The following SNAP91 variants were observed in gnomAD, a reference collection of about 807,000 sequenced individuals.
The protein encoded by SNAP91 is synaptosome associated protein 91.
Under a neutral mutation model 100.3 loss-of-function variants are expected in SNAP91, and 27 were observed. The observed-to-expected ratio is 0.27, with a 90% confidence interval of 0.20 to 0.37. The LOEUF (loss-of-function observed/expected upper bound fraction) is 0.37, where lower values mean the gene tolerates loss of function less well. SNAP91 is among the 10% of genes least tolerant of loss of function. The probability of loss-of-function intolerance (pLI) is 1.00; values close to 1 mark genes in which losing one functional copy is unlikely to be tolerated. For synonymous variants in SNAP91, 404 were observed against 398.6 expected, an observed-to-expected ratio of 1.01 and a Z score of -0.16; for missense variants, 986 against 1,123.7, an observed-to-expected ratio of 0.88 and a Z score of 1.75.
At chr6:83,619,513 T>C (rs1214394779) in intron 9 of SNAP91, among the ~76,000 whole-genome samples, 2 of 152,162 alleles carry the variant, frequency 1.3e-5, no homozygotes, top group African/African-American at 4.8e-5. Flanking sequence ...GGCTCTTTAG[T>C]TGCTTGTTTT....
intron 2 of SNAP91, among the ~76,000 whole-genome samples, chr6:83,686,607 T>C (rs562070446): frequency 6.6e-6 from 1 of 152,360 alleles, no homozygotes; most frequent in African/African-American, 2.4e-5. Flanking sequence ...TACTTTTATA[T>C]TATCTAGTGC....
At chr6:83,615,006 A>G in intron 10 of SNAP91, 144 bp from the exon 11 acceptor site, 1 of 498,026 alleles carries the variant, frequency 2.0e-6, no homozygotes, top group South Asian at 5.1e-5. Flanking sequence ...GACAAGCATA[A>G]AATGATTTTA....
chr6:83,666,219 A>G (rs1200627551), intron 2 of SNAP91, among the ~76,000 whole-genome samples: 1 of 152,086 alleles, frequency 6.6e-6, no homozygotes, highest in Non-Finnish European at 1.5e-5. Context: ...GTTCACATCT[A>G]TTAGTATGAG....
intron 8 of SNAP91, among the ~76,000 whole-genome samples, 198 bp from the exon 9 acceptor site, chr6:83,623,540 T>C (rs980727475): frequency 6.6e-6 from 1 of 152,160 alleles, no homozygotes; most frequent in Non-Finnish European, 1.5e-5. Flanking sequence ...TTCATTAATA[T>C]AGTTAGACAT....
chr6:83,554,547 A>T (rs555329629), intron 29 of SNAP91, among the ~76,000 whole-genome samples: 5 of 152,222 alleles, frequency 3.3e-5, no homozygotes, highest in African/African-American at 1.2e-4. Flanking sequence ...CAAAAATTTG[A>T]ATTTAGATAC....
intron 7 of SNAP91, among the ~76,000 whole-genome samples, chr6:83,653,147 T>G (rs2098273012): frequency 1.3e-5 from 2 of 152,172 alleles, no homozygotes; most frequent in Admixed American, 1.3e-4. Context: ...TTTGGGAAAA[T>G]TCTCTGTCGT....
chr6:83,696,015 A>T (rs2099204955), intron 2 of SNAP91, among the ~76,000 whole-genome samples: 1 of 152,152 alleles, frequency 6.6e-6, no homozygotes, highest in South Asian at 2.1e-4. Context: ...ACTCATTAGC[A>T]CAGTCTCCAA....
At position 83,647,661 on chromosome 6, in the gene SNAP91, T is replaced by C. The variant is rs1195081510; in HGVS notation, c.659-6459A>G. Among the ~76,000 whole-genome samples the C allele has an allele frequency of 1.3e-5, 2 of 152,154 alleles. 1 individual carries two copies. The highest frequency in any genetic ancestry group is 1.3e-4 in the Admixed American group (2 of 15,264). On this transcript the variant is annotated intron_variant, in intron 7 of 29. Coordinates refer to ENST00000369694, the MANE Select transcript of SNAP91 (RefSeq NM_001242792.2). ...GTAATTTCCTTTTCTTTTTTAATTT[T>C]AAATAAAATCTACTGAGATGTTATT...
chr6:83,570,697 G>A (rs1473124136), intron 26 of SNAP91, among the ~76,000 whole-genome samples: 1 of 152,176 alleles, frequency 6.6e-6, no homozygotes, highest in Non-Finnish European at 1.5e-5. Flanking sequence ...TTCAGAGGGT[G>A]GTAGTCCCAA....
At chr6:83,707,329 T>A (rs189932225) in intron 2 of SNAP91, among the ~76,000 whole-genome samples, 1 of 151,734 alleles carries the variant, frequency 6.6e-6, no homozygotes, top group Admixed American at 6.6e-5. Context: ...AAGATTATAC[T>A]ACCTTAGAAC....
At chr6:83,589,312 T>C (rs1227006515) in intron 22 of SNAP91, among the ~76,000 whole-genome samples, 1 of 152,198 alleles carries the variant, frequency 6.6e-6, no homozygotes, top group African/African-American at 2.4e-5. Context: ...AGCTGTGGTT[T>C]GTGTTAAGTG....
chr6:83,657,658 T>C (rs2098439423), intron 6 of SNAP91, among the ~76,000 whole-genome samples: 1 of 152,152 alleles, frequency 6.6e-6, no homozygotes, highest in South Asian at 2.1e-4. Context: ...TTACTAAAAT[T>C]TGAGGAAAAT....
At chr6:83,690,358 T>G (rs770651925) in intron 2 of SNAP91, 1 of 1,287,862 alleles carries the variant, frequency 7.8e-7, no homozygotes, top group Non-Finnish European at 1.0e-6. Flanking sequence ...CATACTTTGG[T>G]TGTATGACTC....
Position 83,586,582 on chromosome 6 carries a change from C to T in SNAP91, c.2015-4226G>A, listed in dbSNP as rs573437682. 7.2e-5 allele frequency among the ~76,000 whole-genome samples: 11 copies of T among 152,278 alleles called. No individual in the cohort carries two copies. The East Asian group carries it at 2.1e-3, about 29-fold the overall frequency. ...TTACCTTTGTCATCCAGTAGTCTGC[C>T]TCTAGCTTTCAAACATCTGTATTTT... is the stretch of plus-strand genomic sequence containing the variant. On this transcript the variant is annotated intron_variant, in intron 22 of 29. Coordinates refer to ENST00000369694, the MANE Select transcript of SNAP91 (RefSeq NM_001242792.2).
intron 2 of SNAP91, among the ~76,000 whole-genome samples, chr6:83,684,591 T>C (rs921036211): frequency 2.0e-5 from 3 of 152,148 alleles, no homozygotes; most frequent in Admixed American, 1.3e-4. Flanking sequence ...TCTCACAATA[T>C]CATGAAGATT....
chr6:83,640,261 A>C (rs2097640551), intron 8 of SNAP91, among the ~76,000 whole-genome samples: 1 of 152,166 alleles, frequency 6.6e-6, no homozygotes, highest in African/African-American at 2.4e-5. Flanking sequence ...TGTGTATAAA[A>C]TGCTTGTTTA....
chr6:83,709,155 G>C (rs1033413345), upstream of SNAP91: 33 of 152,342 alleles, frequency 2.2e-4, no homozygotes, highest in Admixed American at 2.0e-3. Context: ...GTCAGGTGAC[G>C]GCGGCGGACA....
intron 6 of SNAP91, among the ~76,000 whole-genome samples, chr6:83,658,444 C>T (rs1378893693): frequency 1.3e-5 from 2 of 151,852 alleles, no homozygotes; most frequent in Non-Finnish European, 2.9e-5. Flanking sequence ...GCCATCTCTA[C>T]TGAAAATGCA....
At chr6:83,623,248 T>C (rs1326712879) in intron 9 of SNAP91, 53 bp downstream of exon 9, 14 of 1,397,354 alleles carry the variant, frequency 1.0e-5, no homozygotes, top group African/African-American at 1.4e-5. Context: ...TGTGGCAATA[T>C]ATGTTGTAAT....
Sources: gnomAD v4.1 joint callset for allele counts (sites outside exome capture counted in the v4.1 genomes callset) on GRCh38, gnomAD v4.1.1 for gene constraint, MANE v1.5 for transcripts, NCBI Gene and HGNC (gene_info 2026-07-23, HGNC 2026-07-21) for gene names.